ITGA11: variants seen among roughly 807,000 people sequenced by gnomAD.
The protein encoded by ITGA11 is integrin subunit alpha 11, also known as integrin alpha-11.
Under a neutral mutation model 141.9 loss-of-function variants are expected in ITGA11, and 97 were observed. The observed-to-expected ratio is 0.68, with a 90% CI of 0.58 to 0.81. The LOEUF (loss-of-function observed/expected upper bound fraction) is 0.81, where lower values mean the gene tolerates loss of function less well. Ranked by LOEUF, ITGA11 falls within the 30% of genes least tolerant of loss-of-function variation. ITGA11 has a pLI of 0.00. For missense variants in ITGA11, 1,387 were observed against 1,559.2 expected (o/e 0.89, Z 1.86); for synonymous variants, 658 against 624.6 (o/e 1.05, Z -0.80).
At chr15:68,362,691 A>G (rs1422217632) in intron 4 of ITGA11, among the ~76,000 whole-genome samples, 2 of 151,992 alleles carry the variant, frequency 1.3e-5, no homozygotes, top group Non-Finnish European at 2.9e-5. Flanking sequence ...GGATGGAAGG[A>G]TGATGGATAG....
intron 7 of ITGA11, among the ~76,000 whole-genome samples, chr15:68,353,166 A>G (rs1182956562): frequency 6.6e-6 from 1 of 152,220 alleles, no homozygotes; most frequent in African/African-American, 2.4e-5. Context: ...ACTGATGCAT[A>G]CAATTTAGGA....
intron 2 of ITGA11, among the ~76,000 whole-genome samples, chr15:68,374,344 C>T (rs1895673198): frequency 6.6e-6 from 1 of 151,010 alleles, no homozygotes; most frequent in African/African-American, 2.4e-5. Context: ...ACCCTGCATT[C>T]CAGATGTTTC....
At chr15:68,409,499 G>C (rs1416727217) in intron 1 of ITGA11, among the ~76,000 whole-genome samples, 3 of 151,634 alleles carry the variant, frequency 2.0e-5, no homozygotes, top group African/African-American at 7.3e-5. Flanking sequence ...AGGTAGTACT[G>C]ATACTCTACC....
chr15:68,373,846 G>T lies in ITGA11; in HGVS notation c.165-4562C>A, dbSNP rs140742926. Among the ~76,000 whole-genome samples the T allele has an allele frequency of 3.9e-4, 60 of 152,280 alleles. No homozygotes were observed. The East Asian group carries it at 0.011, about 27-fold the overall frequency. ...CTGATGCATTGACAGTGGGAGAGCT[G>T]AGAGAAGCATGAAGAGAAGGAGCTG... is the stretch of plus-strand genomic sequence containing the variant. On this transcript the variant is annotated intron_variant, in intron 2 of 29. Coordinates refer to ENST00000315757, the MANE Select transcript of ITGA11 (RefSeq NM_001004439.2).
Position 68,312,871 on chromosome 15 carries a change from G to T in ITGA11, c.2883-8C>A, listed in dbSNP as rs1893438237. 15 of 1,601,164 alleles carry T rather than the reference G, an allele frequency of 9.4e-6. No homozygotes were observed. The highest frequency in any genetic ancestry group is 1.3e-5 in the African/African-American group (1 of 74,840). On this transcript the variant is annotated splice_polypyrimidine_tract_variant and splice_region_variant and intron_variant, in intron 23 of 29. Coordinates refer to ENST00000315757, the MANE Select transcript of ITGA11 (RefSeq NM_001004439.2). ...TGGCTCAGGCTGCTGCTCCTGCGGAGACAGAGGACAGGGCTGTCGTGAGCT... is the reference window on the plus strand; with the variant it reads ...TGGCTCAGGCTGCTGCTCCTGCGGATACAGAGGACAGGGCTGTCGTGAGCT...
intron 2 of ITGA11, among the ~76,000 whole-genome samples, chr15:68,400,660 ATATAT>A (rs1279012989): frequency 6.4e-5 from 2 of 31,088 alleles, no homozygotes; most frequent in East Asian, 9.4e-4. Context: ...TATATAATAA[ATATAT>A]TATATATTAT....
intron 4 of ITGA11, 51 bp downstream of exon 4, chr15:68,364,656 C>CACCCCCACCCCAGCCACACCAG: frequency 1.7e-6 from 2 of 1,194,152 alleles, no homozygotes; most frequent in Non-Finnish European, 2.5e-6. Flanking sequence ...CACCCCTCCC[C>CACCCCCACCCCAGCCACACCAG]ACCCCCACCC....
At chr15:68,371,481 G>C (rs965972212) in intron 2 of ITGA11, among the ~76,000 whole-genome samples, 1 of 152,166 alleles carries the variant, frequency 6.6e-6, no homozygotes. Context: ...GGGAGGCTGA[G>C]GTAGGTGGAT....
chr15:68,302,335 G>C lies in ITGA11; in HGVS notation c.*724C>G, dbSNP rs1343793212. The C allele has an allele frequency of 6.6e-6, 1 of 152,458 alleles. No homozygotes were observed. Among genetic ancestry groups the C allele is most frequent in the African/African-American group, 2.4e-5 (1 of 41,448 alleles). 9.4% of individuals were successfully genotyped at this position (152,458 alleles called of 1,614,324 possible). On this transcript the variant is annotated 3_prime_UTR_variant, in exon 30 of 30. Coordinates refer to ENST00000315757, the MANE Select transcript of ITGA11 (RefSeq NM_001004439.2). ...CTGAGAGCAAGGGGCTGCAGCTGGT[G>C]GGGGAATGTGTGAGTTGCGGTCAAT...
In ITGA11 at chr15:68,321,907, TG is replaced by T. The variant is rs1187926138; in HGVS notation, c.2323-405del. Reference sequence around the variant, plus strand: ...GTATGAACAAATCACTAGTGTAAAATGTGCAAAAAAACCGAAAAGAAATGTG... The same window carrying T: ...GTATGAACAAATCACTAGTGTAAAATTGCAAAAAAACCGAAAAGAAATGTG... On this transcript the variant is annotated intron_variant, in intron 18 of 29. Transcript: ENST00000315757. The surrounding 1 kb of genome is among the most constrained non-coding windows in gnomAD (Gnocchi z 4.9). Among the ~76,000 whole-genome samples, 8 of 151,996 alleles carry T rather than the reference TG, an allele frequency of 5.3e-5. No individual in the cohort carries two copies. The highest frequency in any genetic ancestry group is 1.2e-4 in the Non-Finnish European group (8 of 67,996).
In ITGA11 at chr15:68,303,105, C is replaced by T. The variant is rs373594351; in HGVS notation, c.3521G>A (p.Arg1174His). 3.2e-6 allele frequency: 5 copies of T among 1,551,160 alleles called. No homozygotes were observed. Among genetic ancestry groups the T allele is most frequent in the South Asian group, 1.2e-5 (1 of 83,964 alleles). ...WKLGFFRSARRRREPGLDPTP... is the reference protein window; with the variant it reads ...WKLGFFRSARHRREPGLDPTP... ...GGGGTCCAGACCAGGCTCCCTCCTG[C>T]GCCTGGCACTTCTAAAGAAGCCGAG... The change falls in exon 30 of 30, where the codon CGC becomes CAC. Residue 1174 changes from arginine to histidine, a missense_variant. Coordinates refer to ENST00000315757, the MANE Select transcript of ITGA11 (RefSeq NM_001004439.2). The surrounding 1 kb of genome is among the most constrained non-coding windows in gnomAD (Gnocchi z 5.3).
At chr15:68,337,417 C>G (rs1894398461) in intron 11 of ITGA11, among the ~76,000 whole-genome samples, 1 of 152,172 alleles carries the variant, frequency 6.6e-6, no homozygotes, top group African/African-American at 2.4e-5. Context: ...GTCTCCTTCC[C>G]CTGTAGGGCT....
intron 4 of ITGA11, 52 bp downstream of exon 4, chr15:68,364,655 C>T (rs952197475): frequency 5.9e-6 from 7 of 1,179,520 alleles, no homozygotes; most frequent in African/African-American, 1.5e-5. Context: ...CCACCCCTCC[C>T]CACCCCCACC....
In ITGA11 at chr15:68,304,593, TCA is replaced by T. The variant is rs1253067031; in HGVS notation, c.3382-710_3382-709del. Among the ~76,000 whole-genome samples the T allele has an allele frequency of 6.6e-6, 1 of 152,160 alleles. No homozygotes were observed. The highest frequency in any genetic ancestry group is 1.5e-5 in the Non-Finnish European group (1 of 68,022). On this transcript the variant is annotated intron_variant, in intron 28 of 29. Coordinates refer to ENST00000315757, the MANE Select transcript of ITGA11 (RefSeq NM_001004439.2). This position sits in a 1 kb window ranked among gnomAD's most constrained non-coding sequence, Gnocchi z 6.1. ...ATCACCGTCTACACGCCGACTGCTC[TCA>T]CATTTCTGTCGTCCGCCTGGATTCT...
chr15:68,346,154 A>G (rs3784346), intron 10 of ITGA11, among the ~76,000 whole-genome samples: 50,871 of 151,900 alleles, frequency 0.33, 8,945 homozygotes, highest in East Asian at 0.52. Context: ...GGCAAGCTGC[A>G]TCCCTCTGCC....
chr15:68,361,515 T>C, intron 5 of ITGA11, 75 bp downstream of exon 5: 1 of 938,274 alleles, frequency 1.1e-6, no homozygotes, highest in Non-Finnish European at 1.7e-6. Flanking sequence ...TAGCCACAGG[T>C]TGTTGTGCTC....
chr15:68,319,685 G>A (rs1252675355), intron 20 of ITGA11, among the ~76,000 whole-genome samples: 1 of 152,100 alleles, frequency 6.6e-6, no homozygotes, highest in Non-Finnish European at 1.5e-5. Flanking sequence ...TAGAACGTGT[G>A]GATGGCTGGT....
chr15:68,344,393 A>G (rs1451294337), intron 10 of ITGA11, among the ~76,000 whole-genome samples: 2 of 152,186 alleles, frequency 1.3e-5, no homozygotes, highest in Non-Finnish European at 2.9e-5. Context: ...AAACCAGTTC[A>G]AATGCGAAAC....
At chr15:68,330,195 G>A (rs1426883450) in intron 15 of ITGA11, among the ~76,000 whole-genome samples, 1 of 152,194 alleles carries the variant, frequency 6.6e-6, no homozygotes, top group Non-Finnish European at 1.5e-5. Flanking sequence ...TCCCCCTTGG[G>A]TTGTAGTATT....
Sources: allele counts gnomAD v4.1 joint callset (sites outside exome capture counted in the v4.1 genomes callset), GRCh38; gene constraint gnomAD v4.1.1; non-coding constraint Gnocchi (gnomAD v3.1); transcripts MANE v1.5; gene names NCBI Gene and HGNC (gene_info 2026-07-23, HGNC 2026-07-21).